ABCC1: variants seen among roughly 807,000 people sequenced by gnomAD.
ABCC1 encodes ATP binding cassette subfamily C member 1 (ABCC1 blood group), also known as multidrug resistance-associated protein 1.
A neutral mutation model predicts 172.9 loss-of-function variants in ABCC1; 83 were observed. The observed-to-expected ratio is 0.48, with a 90% CI of 0.40 to 0.58. The LOEUF (loss-of-function observed/expected upper bound fraction) is 0.58, where lower values mean the gene tolerates loss of function less well. ABCC1 is among the 20% of genes least tolerant of loss of function. The pLI is 0.00. For synonymous variants in ABCC1, 937 were observed against 825.2 expected (o/e 1.14, Z -2.32); for missense variants, 1,817 against 2,002.7 (o/e 0.91, Z 1.77).
intron 19 of ABCC1, among the ~76,000 whole-genome samples, chr16:16,102,226 C>T (rs1484673185): frequency 6.6e-6 from 1 of 152,304 alleles, no homozygotes; most frequent in South Asian, 2.1e-4. Flanking sequence ...TCTTTCAATG[C>T]TTGGGAATCA....
chr16:16,118,302 A>G (rs569585053), intron 23 of ABCC1, among the ~76,000 whole-genome samples: 5 of 152,174 alleles, frequency 3.3e-5, no homozygotes, highest in Admixed American at 3.3e-4. Context: ...TGGTTCAATC[A>G]TGTGGCCCCT....
chr16:15,979,522 CTTT>C (rs10591001), intron 1 of ABCC1, among the ~76,000 whole-genome samples: 128,113 of 151,598 alleles, frequency 0.85, 54,361 homozygotes, highest in African/African-American at 0.9. Flanking sequence ...TAATAAACAG[CTTT>C]TTTGTTGAGA....
chr16:16,020,669 C>T lies in ABCC1; in HGVS notation c.615+4048C>T, dbSNP rs1314222261. On this transcript the variant is annotated intron_variant, in intron 5 of 30. Transcript: ENST00000399410. ...CCCTGGTCTAAGCATTTCTTTAGCTCTGATGACTTTTTAGCTTCCTTTTTT... is the reference window on the plus strand; with the variant it reads ...CCCTGGTCTAAGCATTTCTTTAGCTTTGATGACTTTTTAGCTTCCTTTTTT... 1.3e-5 allele frequency among the ~76,000 whole-genome samples: 2 copies of T among 152,142 alleles called. 1 individual carries two copies. Among genetic ancestry groups the T allele is most frequent in the Admixed American group, 1.3e-4 (2 of 15,264 alleles).
chr16:16,065,148 T>A (rs935416477), intron 12 of ABCC1, among the ~76,000 whole-genome samples: 3 of 152,324 alleles, frequency 2.0e-5, no homozygotes, highest in Admixed American at 2.0e-4. Context: ...GAGTGACAGA[T>A]GACGCCAAAT....
intron 28 of ABCC1, among the ~76,000 whole-genome samples, chr16:16,135,219 A>T (rs1312076918): frequency 8.5e-5 from 13 of 152,174 alleles, no homozygotes; most frequent in Non-Finnish European, 1.5e-5. Context: ...TTACGTGGGT[A>T]TATTGTGTGA....
At chr16:15,980,111 G>A (rs1312216637) in intron 1 of ABCC1, among the ~76,000 whole-genome samples, 2 of 152,144 alleles carry the variant, frequency 1.3e-5, no homozygotes, top group African/African-American at 4.8e-5. Context: ...AACAATGTTT[G>A]ACTTGGAGCA....
Position 16,119,677 on chromosome 16 carries a change from C to T in ABCC1, c.3391-2298C>T, listed in dbSNP as rs539955453. ...CTGCACTCCAGCCAGGGTGACAGAG[C>T]GAGACTGTCTTAAAAAATAAAATAA... On this transcript the variant is annotated intron_variant, in intron 23 of 30. Transcript: ENST00000399410. 4.6e-5 allele frequency among the ~76,000 whole-genome samples: 7 copies of T among 152,170 alleles called. No individual in the cohort carries two copies. The East Asian group carries it at 5.8e-4, about 13-fold the overall frequency.
chr16:16,137,545 CTTTTTTTTT>C (rs151237296), intron 29 of ABCC1, among the ~76,000 whole-genome samples: 1 of 56,634 alleles, frequency 1.8e-5, no homozygotes, highest in Non-Finnish European at 3.3e-5. Flanking sequence ...GGTATGAGGC[CTTTTTTTTT>C]TTTTTTTTTT....
intron 12 of ABCC1, among the ~76,000 whole-genome samples, chr16:16,063,256 G>A (rs999869569): frequency 5.9e-5 from 9 of 152,070 alleles, no homozygotes; most frequent in South Asian, 2.1e-4. Context: ...ACAGGTGTGC[G>A]CCACCACACC....
At chr16:15,980,242 TG>T (rs1195386777) in intron 1 of ABCC1, among the ~76,000 whole-genome samples, 1 of 152,152 alleles carries the variant, frequency 6.6e-6, no homozygotes, top group Non-Finnish European at 1.5e-5. Context: ...TGGTGGCTTC[TG>T]CCTGTAATCT....
intron 21 of ABCC1, among the ~76,000 whole-genome samples, chr16:16,110,218 A>G (rs556259449): frequency 6.6e-6 from 1 of 151,510 alleles, no homozygotes; most frequent in Non-Finnish European, 1.5e-5. Flanking sequence ...CTTGTGCCTC[A>G]GCCTACAGGC....
chr16:16,058,208 C>T (rs754823107), intron 12 of ABCC1, among the ~76,000 whole-genome samples: 1 of 152,136 alleles, frequency 6.6e-6, no homozygotes, highest in African/African-American at 2.4e-5. Context: ...CAGAGATGGA[C>T]TTTGGAAATT....
At chr16:16,098,448 G>C (rs991488278) in intron 19 of ABCC1, among the ~76,000 whole-genome samples, 2 of 152,188 alleles carry the variant, frequency 1.3e-5, no homozygotes, top group Non-Finnish European at 2.9e-5. Flanking sequence ...GCAAAACCCC[G>C]TCTCTACTAA....
chr16:16,094,958 C>T (rs942066018), intron 19 of ABCC1, among the ~76,000 whole-genome samples: 10 of 151,822 alleles, frequency 6.6e-5, no homozygotes, highest in Non-Finnish European at 1.3e-4. Context: ...GCTGGAGTTA[C>T]AGGCATGTGC....
At chr16:16,048,752 C>T (rs908090211) in intron 10 of ABCC1, among the ~76,000 whole-genome samples, 9 of 152,150 alleles carry the variant, frequency 5.9e-5, no homozygotes, top group Admixed American at 6.5e-5. Flanking sequence ...TTTGGGAGGC[C>T]GAGGCGGGCA....
chr16:15,999,834 G>C (rs11860672), intron 1 of ABCC1, among the ~76,000 whole-genome samples: 129 of 9,378 alleles, frequency 0.014, 1 homozygote, highest in Middle Eastern at 0.083. Flanking sequence ...CTCTCTCTCT[G>C]TCTCTTTCTT....
chr16:15,956,376 A>AAC (rs2045998554), intron 1 of ABCC1, among the ~76,000 whole-genome samples: 1 of 151,008 alleles, frequency 6.6e-6, no homozygotes. Flanking sequence ...AAAAAAAAAA[A>AAC]CACAATAAAG....
At chr16:16,011,093 C>T (rs1359229256) in intron 3 of ABCC1, among the ~76,000 whole-genome samples, 7 of 152,100 alleles carry the variant, frequency 4.6e-5, no homozygotes, top group East Asian at 3.9e-4. Flanking sequence ...AATTAGCCGG[C>T]GTGGTGGCAC....
chr16:16,120,528 G>A (rs539923702), intron 23 of ABCC1, among the ~76,000 whole-genome samples: 5 of 152,282 alleles, frequency 3.3e-5, no homozygotes, highest in Admixed American at 6.5e-5. Context: ...ATCTGCCCGC[G>A]AGGGTGGGTG....
Sources: allele counts gnomAD v4.1 joint callset (sites outside exome capture counted in the v4.1 genomes callset), GRCh38; gene constraint gnomAD v4.1.1; transcripts MANE v1.5; gene names NCBI Gene and HGNC (gene_info 2026-07-23, HGNC 2026-07-21).